The following MLLT3 variants were observed in gnomAD, a reference collection of about 807,000 sequenced individuals.
MLLT3 encodes the protein MLLT3 super elongation complex subunit, also known as protein AF-9.
In MLLT3, 4 loss-of-function variants were observed where a neutral mutation model predicts 53.2. The ratio of observed to expected loss-of-function variants is 0.08; its 90% CI spans 0.04 to 0.17. The LOEUF (loss-of-function observed/expected upper bound fraction) is 0.17. MLLT3 is among the 10% of genes least tolerant of loss of function. MLLT3 has a pLI of 1.00. For synonymous variants in MLLT3, 283 were observed against 230.6 expected, an observed-to-expected ratio of 1.23 and a Z score of -2.06; for missense variants, 569 against 684.0, an observed-to-expected ratio of 0.83 and a Z score of 1.87.
At chr9:20,435,187 G>C (rs1447793789) in intron 4 of MLLT3, among the ~76,000 whole-genome samples, 1 of 151,988 alleles carries the variant, frequency 6.6e-6, no homozygotes, top group East Asian at 1.9e-4. Context: ...TGGACTGGTG[G>C]CTGTGAATTT....
At chr9:20,437,313 A>T (rs1430922232) in intron 4 of MLLT3, among the ~76,000 whole-genome samples, 1 of 152,204 alleles carries the variant, frequency 6.6e-6, no homozygotes, top group Non-Finnish European at 1.5e-5. Flanking sequence ...AGCTATTTTC[A>T]TTTTAAAAAG....
intron 2 of MLLT3, among the ~76,000 whole-genome samples, chr9:20,496,906 G>C (rs1004378272): frequency 1.3e-5 from 2 of 152,144 alleles, no homozygotes; most frequent in East Asian, 3.9e-4. Flanking sequence ...ACTTCCCCAA[G>C]AGCCTTTCTC....
intron 2 of MLLT3, among the ~76,000 whole-genome samples, chr9:20,590,551 T>G (rs1431716105): frequency 6.6e-6 from 1 of 152,184 alleles, no homozygotes; most frequent in Non-Finnish European, 1.5e-5. Flanking sequence ...TCTCTCTCTG[T>G]CACTCTCTCA....
intron 5 of MLLT3, among the ~76,000 whole-genome samples, chr9:20,374,434 C>T (rs191262838): frequency 6.6e-6 from 1 of 152,268 alleles, no homozygotes; most frequent in African/African-American, 2.4e-5. Flanking sequence ...AAATGCTTTC[C>T]ATTAGATGAG....
intron 2 of MLLT3, among the ~76,000 whole-genome samples, chr9:20,578,090 G>C: frequency 6.6e-6 from 1 of 152,106 alleles, no homozygotes; most frequent in East Asian, 1.9e-4. Flanking sequence ...ATTTGCAAAA[G>C]GAAATACTCC....
intron 5 of MLLT3, among the ~76,000 whole-genome samples, chr9:20,367,268 C>T (rs1394073675): frequency 2.0e-5 from 3 of 152,190 alleles, no homozygotes; most frequent in Non-Finnish European, 4.4e-5. Context: ...TCTCCAAAAC[C>T]ACTGAAATAT....
chr9:20,512,415 C>T (rs1563794851), intron 2 of MLLT3, among the ~76,000 whole-genome samples: 1 of 152,160 alleles, frequency 6.6e-6, no homozygotes, highest in Non-Finnish European at 1.5e-5. Context: ...CTATTAGCAC[C>T]ACCTGGGAAC....
chr9:20,369,847 C>T (rs1219242018), intron 5 of MLLT3, among the ~76,000 whole-genome samples: 3 of 152,228 alleles, frequency 2.0e-5, no homozygotes, highest in East Asian at 3.9e-4. Flanking sequence ...TAATAATCTC[C>T]TTTCCCCACC....
intron 4 of MLLT3, among the ~76,000 whole-genome samples, chr9:20,420,499 G>A (rs1004273050): frequency 1.8e-4 from 27 of 152,110 alleles, no homozygotes; most frequent in Non-Finnish European, 3.4e-4. Context: ...TACCAAATAG[G>A]ATAAAAAATG....
At chr9:20,577,460 G>A (rs1287749783) in intron 2 of MLLT3, among the ~76,000 whole-genome samples, 1 of 152,120 alleles carries the variant, frequency 6.6e-6, no homozygotes, top group African/African-American at 2.4e-5. Context: ...TCATTTCACA[G>A]CGCCTGTTCT....
Position 20,413,830 on chromosome 9 carries a change from T to C in MLLT3, c.1016A>G (p.Lys339Arg), listed in dbSNP as rs1279399291. ...DKSHVKMGKV[K>R]IESETSEKKK... ...CTTCTCTGATGTCTCACTTTCAATT[T>C]TGACCTTTCCCATCTTGACATGAGA... The change falls in exon 5 of 11, where the codon AAA becomes AGA. Residue 339 changes from lysine (K) to arginine (R), a missense_variant. Transcript: ENST00000380338. 1.2e-6 allele frequency: 2 copies of C among 1,614,018 alleles called. No individual in the cohort carries two copies. The highest frequency in any genetic ancestry group is 2.7e-5 in the African/African-American group (2 of 74,946).
chr9:20,435,729 C>A (rs1823384646), intron 4 of MLLT3, among the ~76,000 whole-genome samples: 1 of 152,042 alleles, frequency 6.6e-6, no homozygotes, highest in Admixed American at 6.6e-5. Flanking sequence ...TTTTCAGAAG[C>A]AAAAGAAATT....
intron 4 of MLLT3, among the ~76,000 whole-genome samples, chr9:20,432,552 A>C (rs547738144): frequency 2.6e-5 from 4 of 152,272 alleles, no homozygotes; most frequent in African/African-American, 9.6e-5. Context: ...CCTTTGTCCT[A>C]ATACGTGGAG....
intron 3 of MLLT3, among the ~76,000 whole-genome samples, chr9:20,450,471 A>ATTT (rs1823810960): frequency 6.6e-6 from 1 of 152,158 alleles, no homozygotes; most frequent in African/African-American, 2.4e-5. Context: ...GCAGTCTCTT[A>ATTT]CTACCTTTCC....
At chr9:20,546,130 C>A (rs890613377) in intron 2 of MLLT3, among the ~76,000 whole-genome samples, 1 of 152,142 alleles carries the variant, frequency 6.6e-6, no homozygotes, top group Admixed American at 6.5e-5. Flanking sequence ...ATTTCTCTGA[C>A]CTCTTCCAGA....
chr9:20,392,913 T>C (rs140943618), intron 5 of MLLT3, among the ~76,000 whole-genome samples: 1,766 of 152,322 alleles, frequency 0.012, 34 homozygotes, highest in African/African-American at 0.04. Flanking sequence ...CCCAGCACTT[T>C]GGGAGGCCAA....
At chr9:20,385,903 T>C (rs1822022669) in intron 5 of MLLT3, among the ~76,000 whole-genome samples, 1 of 152,244 alleles carries the variant, frequency 6.6e-6, no homozygotes, top group Non-Finnish European at 1.5e-5. Context: ...GGTCTCTCTC[T>C]AGCATTGATG....
Position 20,621,933 on chromosome 9 carries a change from G to T in MLLT3, c.12+312C>A, listed in dbSNP as rs1185442205. On this transcript the variant is annotated intron_variant, in intron 1 of 10. Coordinates refer to ENST00000380338, the MANE Select transcript of MLLT3 (RefSeq NM_004529.4). This position sits in a 1 kb window ranked among gnomAD's most constrained non-coding sequence, Gnocchi z 7.0. ...TGTGTGTGTGTGTGAGTGCGCGCGT[G>T]TGAGCGAGAGGGAGTGTGTGAGTGC... The T allele has an allele frequency of 2.2e-6, 3 of 1,384,784 alleles. No individual in the cohort carries two copies. In the Admixed American group the frequency reaches 1.0e-4, roughly 48 times the overall value. The allele number at this position is 1,384,784 out of a possible 1,614,324, so 85.8% of individuals were successfully genotyped here.
At position 20,595,759 on chromosome 9, in the gene MLLT3, G is replaced by T. The variant is rs116877977; in HGVS notation, c.193+24895C>A. ...AGTAACCACAAAAAAAGAAAGACACGATTTTATATAAAAAGTCTTATCAGA... is the reference window on the plus strand; with the variant it reads ...AGTAACCACAAAAAAAGAAAGACACTATTTTATATAAAAAGTCTTATCAGA... On this transcript the variant is annotated intron_variant, in intron 2 of 10. Coordinates refer to ENST00000380338, the MANE Select transcript of MLLT3 (RefSeq NM_004529.4). 9.6e-3 allele frequency among the ~76,000 whole-genome samples: 1,462 copies of T among 152,254 alleles called. 11 individuals are homozygous for T. Among genetic ancestry groups the T allele is most frequent in the Middle Eastern group, 0.024 (7 of 294 alleles).
Sources: gnomAD v4.1 joint callset for allele counts (sites outside exome capture counted in the v4.1 genomes callset) on GRCh38, gnomAD v4.1.1 for gene constraint, Gnocchi (gnomAD v3.1) non-coding constraint, MANE v1.5 for transcripts, NCBI Gene and HGNC (gene_info 2026-07-23, HGNC 2026-07-21) for gene names.